STK32B: variants seen among roughly 807,000 people sequenced by gnomAD.
The protein encoded by STK32B is serine/threonine-protein kinase 32B.
Under a neutral mutation model 52.6 loss-of-function variants are expected in STK32B, and 43 were observed. The ratio of observed to expected loss-of-function variants is 0.82; its 90% confidence interval spans 0.64 to 1.05. STK32B has a LOEUF of 1.05. Ranked by LOEUF, STK32B falls within the 50% of genes least tolerant of loss-of-function variation. The pLI is 0.00. For missense variants in STK32B, 621 were observed against 534.6 expected, an observed-to-expected ratio of 1.16 and a Z score of -1.59; for synonymous variants, 238 against 204.3, an observed-to-expected ratio of 1.17 and a Z score of -1.41.
At chr4:5,122,171 C>T (rs1336512600) in intron 1 of STK32B, among the ~76,000 whole-genome samples, 1 of 152,108 alleles carries the variant, frequency 6.6e-6, no homozygotes, top group Non-Finnish European at 1.5e-5. Flanking sequence ...CACTTATTCA[C>T]TTCTTCACTC....
chr4:5,296,418 A>C (rs1240830655), intron 3 of STK32B, among the ~76,000 whole-genome samples: 3 of 152,318 alleles, frequency 2.0e-5, no homozygotes, highest in Non-Finnish European at 4.4e-5. Flanking sequence ...TAGGTCTCTA[A>C]GAACTTGCTT....
In STK32B at chr4:5,051,727, C is replaced by G; in HGVS notation, c.-137C>G. The G allele has an allele frequency of 8.5e-7, 1 of 1,174,274 alleles. No homozygotes were observed. Among genetic ancestry groups the G allele is most frequent in the Non-Finnish European group, 1.2e-6 (1 of 834,706 alleles). The allele number at this position is 1,174,274 out of a possible 1,614,324, so 72.7% of individuals were successfully genotyped here. On this transcript the variant is annotated 5_prime_UTR_variant, in exon 1 of 12. Coordinates refer to ENST00000282908, the MANE Select transcript of STK32B (RefSeq NM_018401.3). ...GCCGTCCCCGCCCCTGCACGGTGCT[C>G]GGCCCCCTCGGGCTCCGCGCGCGGC... is the stretch of plus-strand genomic sequence containing the variant.
chr4:5,213,871 T>C (rs560092422), intron 3 of STK32B, among the ~76,000 whole-genome samples: 5 of 152,348 alleles, frequency 3.3e-5, no homozygotes, highest in African/African-American at 9.6e-5. Flanking sequence ...TCAATGAGAT[T>C]AAATTACCAA....
intron 11 of STK32B, among the ~76,000 whole-genome samples, chr4:5,487,552 C>A (rs1336828200): frequency 2.0e-5 from 3 of 152,170 alleles, no homozygotes; most frequent in Non-Finnish European, 2.9e-5. Flanking sequence ...GCCATTGAGT[C>A]ACATTTTATG....
chr4:5,195,278 C>T (rs759867162), intron 3 of STK32B, among the ~76,000 whole-genome samples: 4 of 152,174 alleles, frequency 2.6e-5, no homozygotes, highest in Non-Finnish European at 4.4e-5. Flanking sequence ...TGTTTGCTCA[C>T]ATAGAAGTAA....
intron 4 of STK32B, among the ~76,000 whole-genome samples, chr4:5,388,453 T>G (rs1339420306): frequency 6.6e-6 from 1 of 152,198 alleles, no homozygotes. Flanking sequence ...GAGTAAGGAT[T>G]TGAACTGCTG....
In STK32B at chr4:5,132,783, C is replaced by T. The variant is rs555085088; in HGVS notation, c.53-7122C>T. Reference sequence around the variant, plus strand: ...TCATACACCTGGATTTACTTTCATTCATAGAATTTACCACTTTTTTTTTTT... The same window carrying T: ...TCATACACCTGGATTTACTTTCATTTATAGAATTTACCACTTTTTTTTTTT... On this transcript the variant is annotated intron_variant, in intron 1 of 11. Coordinates refer to ENST00000282908, the MANE Select transcript of STK32B (RefSeq NM_018401.3). 2.0e-3 allele frequency among the ~76,000 whole-genome samples: 305 copies of T among 151,892 alleles called. 2 individuals are homozygous for T. Among genetic ancestry groups the T allele is most frequent in the South Asian group, 0.012 (59 of 4,798 alleles).
intron 1 of STK32B, among the ~76,000 whole-genome samples, chr4:5,132,623 G>C (rs1560168097): frequency 6.6e-6 from 1 of 151,546 alleles, no homozygotes; most frequent in Non-Finnish European, 1.5e-5. Context: ...TTTTCCCCAA[G>C]ATCTTCCAGA....
chr4:5,364,715 TAGA>T (rs1276322005), intron 4 of STK32B, among the ~76,000 whole-genome samples: 1 of 152,034 alleles, frequency 6.6e-6, no homozygotes, highest in African/African-American at 2.4e-5. Context: ...CCAAAGGAGC[TAGA>T]AGAAGAGAGC....
intron 4 of STK32B, among the ~76,000 whole-genome samples, chr4:5,343,999 C>G (rs895934297): frequency 6.6e-6 from 1 of 152,114 alleles, no homozygotes; most frequent in African/African-American, 2.4e-5. Context: ...GAAAATAGAG[C>G]AAATGAACAA....
chr4:5,460,317 G>A lies in STK32B; in HGVS notation c.909+89G>A. On this transcript the variant is annotated intron_variant, in intron 9 of 11. Coordinates refer to ENST00000282908, the MANE Select transcript of STK32B (RefSeq NM_018401.3). This position sits in a 1 kb window ranked among gnomAD's most constrained non-coding sequence, Gnocchi z 4.8. Reference sequence around the variant, plus strand: ...CAAGACTTTGGCAGCTGGCTAGTGAGCCCTCTGCTGGCCACTTCCACCTGA... The same window carrying A: ...CAAGACTTTGGCAGCTGGCTAGTGAACCCTCTGCTGGCCACTTCCACCTGA... The A allele has an allele frequency of 1.3e-6, 2 of 1,522,632 alleles. No homozygotes were observed. The highest frequency in any genetic ancestry group is 2.6e-5 in the South Asian group (2 of 76,858). 94.3% of individuals were successfully genotyped at this position (1,522,632 alleles called of 1,614,324 possible).
chr4:5,091,580 G>A (rs968605463), intron 1 of STK32B, among the ~76,000 whole-genome samples: 3 of 152,106 alleles, frequency 2.0e-5, no homozygotes, highest in East Asian at 1.9e-4. Context: ...AAATATTGGC[G>A]ATAATGTGGA....
chr4:5,276,630 G>A (rs888747933), intron 3 of STK32B, among the ~76,000 whole-genome samples: 2 of 152,048 alleles, frequency 1.3e-5, no homozygotes, highest in Non-Finnish European at 2.9e-5. Context: ...TAATGGAATA[G>A]TAATTGTGTC....
intron 3 of STK32B, among the ~76,000 whole-genome samples, chr4:5,191,617 G>A (rs1350226680): frequency 6.6e-6 from 1 of 152,064 alleles, no homozygotes; most frequent in Non-Finnish European, 1.5e-5. Flanking sequence ...AAGGGTTTCT[G>A]CTGCTCAAAC....
At chr4:5,166,782 C>T (rs1410536905) in intron 2 of STK32B, among the ~76,000 whole-genome samples, 1 of 152,088 alleles carries the variant, frequency 6.6e-6, no homozygotes, top group Non-Finnish European at 1.5e-5. Flanking sequence ...GGTACTGTTA[C>T]AGCAACCTGA....
the STK32B span, among the ~76,000 whole-genome samples, chr4:5,040,917 G>T: frequency 6.6e-6 from 1 of 152,184 alleles, no homozygotes; most frequent in African/African-American, 2.4e-5. Context: ...ACATTGGCAA[G>T]TATTTGTGTA....
At chr4:5,259,321 T>C (rs1726549484) in intron 3 of STK32B, among the ~76,000 whole-genome samples, 1 of 152,254 alleles carries the variant, frequency 6.6e-6, no homozygotes, top group South Asian at 2.1e-4. Flanking sequence ...AGAGGTATGC[T>C]TGGCACACAT....
At chr4:5,041,947 T>C in the STK32B span, among the ~76,000 whole-genome samples, 32,687 of 152,136 alleles carry the variant, frequency 0.21, 3,692 homozygotes, top group Middle Eastern at 0.29. Context: ...AAATCTGATA[T>C]AGCAGACTCT....
chr4:5,078,486 G>A (rs1391573533), intron 1 of STK32B, among the ~76,000 whole-genome samples: 1 of 152,220 alleles, frequency 6.6e-6, no homozygotes, highest in Non-Finnish European at 1.5e-5. Context: ...AAGTTAATAT[G>A]TGCAAGGTGG....
Sources: gnomAD v4.1 joint callset for allele counts (sites outside exome capture counted in the v4.1 genomes callset) on GRCh38, gnomAD v4.1.1 for gene constraint, Gnocchi (gnomAD v3.1) non-coding constraint, MANE v1.5 for transcripts, NCBI Gene and HGNC (gene_info 2026-07-23, HGNC 2026-07-21) for gene names.